The following TENM1 variants were observed in gnomAD, a reference collection of about 807,000 sequenced individuals.
TENM1 encodes teneurin transmembrane protein 1, also known as teneurin-1.
Under a neutral mutation model 174.8 loss-of-function variants are expected in TENM1, and 35 were observed. That is an observed-to-expected ratio of 0.20 (90% CI 0.15 to 0.27). TENM1 has a LOEUF of 0.27. TENM1 is among the 10% of genes least tolerant of loss of function. The pLI is 1.00. For synonymous variants in TENM1, 781 were observed against 798.7 expected (o/e 0.98, Z 0.37); for missense variants, 1,633 against 2,130.1 (o/e 0.77, Z 4.59).
chrX:124,937,457 C>T (rs944545805), intron 1 of TENM1, among the ~76,000 whole-genome samples: 2 of 111,649 alleles, frequency 1.8e-5, no homozygotes, highest in African/African-American at 6.5e-5. Flanking sequence ...CTAAGTGCTT[C>T]TCCCTGTATC....
chrX:124,399,633 ATTCT>A lies in TENM1; in HGVS notation c.5391+5394_5391+5397del, dbSNP rs1217041634. The stretch of plus-strand genomic sequence containing the variant: ...TACAGGTGAAATGGTATATGAAATA[ATTCT>A]TTCTTTCTAGTTATCTTAGTGAGGT... On this transcript the variant is annotated intron_variant, in intron 27 of 31. Coordinates refer to ENST00000422452, the Ensembl canonical transcript of TENM1. 2.7e-5 allele frequency among the ~76,000 whole-genome samples: 3 copies of A among 112,072 alleles called. No individual in the cohort carries two copies. In the East Asian group the frequency reaches 8.4e-4, roughly 31 times the overall value.
At chrX:124,980,360 T>C in the TENM1 span, among the ~76,000 whole-genome samples, 1 of 111,463 alleles carries the variant, frequency 9.0e-6, no homozygotes, top group East Asian at 2.8e-4. Flanking sequence ...ACAGATGCTC[T>C]TTAACATATA....
chrX:125,171,160 C>T, the TENM1 span, among the ~76,000 whole-genome samples: 2 of 110,093 alleles, frequency 1.8e-5, no homozygotes, highest in African/African-American at 6.6e-5. Flanking sequence ...TCTTTACACA[C>T]ACCACTTTCC....
chrX:124,824,651 C>A (rs1376636386), intron 3 of TENM1, among the ~76,000 whole-genome samples: 1 of 111,911 alleles, frequency 8.9e-6, no homozygotes, highest in African/African-American at 3.3e-5. Flanking sequence ...GTTAAACTGT[C>A]TAAGATCATA....
chrX:124,490,128 G>A (rs2047035179), intron 20 of TENM1, among the ~76,000 whole-genome samples: 1 of 111,882 alleles, frequency 8.9e-6, no homozygotes, highest in Non-Finnish European at 1.9e-5. Flanking sequence ...TTCTAAAAGA[G>A]GTTCATGTTT....
chrX:125,117,127 C>T, the TENM1 span, among the ~76,000 whole-genome samples: 1 of 110,949 alleles, frequency 9.0e-6, no homozygotes, highest in Non-Finnish European at 1.9e-5. Flanking sequence ...TTGTGGAAGA[C>T]AGTGTGGCAA....
chrX:124,866,262 C>T (rs1161476429), intron 3 of TENM1, among the ~76,000 whole-genome samples: 2 of 111,813 alleles, frequency 1.8e-5, no homozygotes, highest in Non-Finnish European at 3.8e-5. Flanking sequence ...TTTTAGTTCA[C>T]AAAACAAGTC....
chrX:124,635,288 C>T (rs906310887), intron 11 of TENM1, among the ~76,000 whole-genome samples: 1 of 112,061 alleles, frequency 8.9e-6, no homozygotes, highest in Non-Finnish European at 1.9e-5. Flanking sequence ...CACACATATA[C>T]TGATATCTTT....
At chrX:124,443,049 T>C (rs1183513322) in intron 23 of TENM1, among the ~76,000 whole-genome samples, 1 of 33,158 alleles carries the variant, frequency 3.0e-5, no homozygotes, top group Non-Finnish European at 6.5e-5. Context: ...TGACTATGTG[T>C]GTGTGTGTGT....
the TENM1 span, among the ~76,000 whole-genome samples, chrX:125,195,086 G>A: frequency 9.0e-6 from 1 of 111,456 alleles, no homozygotes; most frequent in Admixed American, 9.5e-5. Flanking sequence ...ATGAATGAAT[G>A]GAAGAATGAG....
intron 23 of TENM1, among the ~76,000 whole-genome samples, chrX:124,425,032 G>A (rs187137966): frequency 2.7e-5 from 3 of 111,210 alleles, no homozygotes; most frequent in Admixed American, 9.5e-5. Context: ...GGATTAATAC[G>A]GTGTCCTCCA....
chrX:124,822,364 C>A (rs2056058237), intron 3 of TENM1, among the ~76,000 whole-genome samples: 1 of 112,092 alleles, frequency 8.9e-6, no homozygotes, highest in Non-Finnish European at 1.9e-5. Flanking sequence ...TTCGTTACAG[C>A]AACTAAGCTT....
At chrX:125,114,403 A>C in the TENM1 span, among the ~76,000 whole-genome samples, 1 of 107,596 alleles carries the variant, frequency 9.3e-6, no homozygotes, top group Admixed American at 9.8e-5. Flanking sequence ...GGCAGAACTG[A>C]AGGAGATAGA....
the TENM1 span, among the ~76,000 whole-genome samples, chrX:125,184,731 A>C: frequency 9.0e-6 from 1 of 111,585 alleles, no homozygotes; most frequent in Non-Finnish European, 1.9e-5. Context: ...CATCCTTTTG[A>C]CTTTTTTACA....
intron 20 of TENM1, among the ~76,000 whole-genome samples, chrX:124,487,953 C>T (rs2046986671): frequency 8.9e-6 from 1 of 112,080 alleles, no homozygotes. Flanking sequence ...AGCAAAACTG[C>T]TGATCAAAAC....
At chrX:124,683,908 AAAT>A (rs1451776392) in intron 5 of TENM1, among the ~76,000 whole-genome samples, 1 of 112,174 alleles carries the variant, frequency 8.9e-6, no homozygotes, top group Non-Finnish European at 1.9e-5. Context: ...AGATGTGGGA[AAAT>A]AATATGGCAG....
intron 5 of TENM1, among the ~76,000 whole-genome samples, chrX:124,676,439 G>A (rs2052089288): frequency 9.8e-6 from 1 of 102,169 alleles, no homozygotes; most frequent in African/African-American, 3.5e-5. Flanking sequence ...CAGGAATGGT[G>A]TATTTTCAGC....
rs896110889 is a variant in TENM1 at position 124,918,255 on chromosome X, T to C, written c.218-22014A>G. ...AGTGCAGTGGCATGATCTCGACTCA[T>C]TGCAATCTCCGCCTCCCAGGTTCAA... On this transcript the variant is annotated intron_variant, in intron 1 of 31. Coordinates refer to ENST00000422452, the Ensembl canonical transcript of TENM1. Among the ~76,000 whole-genome samples, 6 of 109,468 alleles carry C rather than the reference T, an allele frequency of 5.5e-5. No individual in the cohort carries two copies. The Admixed American group carries it at 5.9e-4, about 11-fold the overall frequency.
chrX:124,618,006 T>C (rs186414510), intron 11 of TENM1, among the ~76,000 whole-genome samples: 3 of 112,182 alleles, frequency 2.7e-5, no homozygotes. Context: ...AATCTTTAAA[T>C]AAAAATATAG....
Sources: gnomAD v4.1 joint callset for allele counts (sites outside exome capture counted in the v4.1 genomes callset) on GRCh38, gnomAD v4.1.1 for gene constraint, MANE v1.5 for transcripts, NCBI Gene and HGNC (gene_info 2026-07-23, HGNC 2026-07-21) for gene names.